Variants in CHD9 observed in about 807,000 individuals in gnomAD.
The protein encoded by CHD9 is chromodomain helicase DNA binding protein 9, also known as ATP-dependent chromatin remodeler CHD9.
In CHD9, 77 loss-of-function variants were observed where a neutral mutation model predicts 316.1. The ratio of observed to expected loss-of-function variants is 0.24; its 90% CI spans 0.20 to 0.29. The LOEUF (loss-of-function observed/expected upper bound fraction) is 0.29. Ranked by LOEUF, CHD9 falls within the 10% of genes least tolerant of loss-of-function variation. The probability of loss-of-function intolerance (pLI) is 1.00; values close to 1 mark genes in which losing one functional copy is unlikely to be tolerated. For synonymous variants in CHD9, 1,129 were observed against 1,158.3 expected (o/e 0.97, Z 0.51); for missense variants, 2,763 against 3,438.1 (o/e 0.80, Z 4.91).
At chr16:53,081,258 A>G (rs192880337) in intron 1 of CHD9, among the ~76,000 whole-genome samples, 2 of 152,138 alleles carry the variant, frequency 1.3e-5, no homozygotes, top group African/African-American at 4.8e-5. Context: ...GTGGATACAG[A>G]GTTTCTAGAT....
rs148017612 is a variant in CHD9 at position 53,103,512 on chromosome 16, T to G, written c.-165+48435T>G. Among the ~76,000 whole-genome samples the G allele has an allele frequency of 4.0e-4, 61 of 152,332 alleles. No homozygotes were observed. In the East Asian group the frequency reaches 0.012, roughly 29 times the overall value. Reference sequence around the variant, plus strand: ...TGAGTTCTCTATGTGCCCAGCACTTTATATATGCTATTTACTTTATTCTTA... The same window carrying G: ...TGAGTTCTCTATGTGCCCAGCACTTGATATATGCTATTTACTTTATTCTTA... On this transcript the variant is annotated intron_variant, in intron 1 of 38. Coordinates refer to ENST00000447540, the MANE Select transcript of CHD9 (RefSeq NM_001308319.2).
At chr16:53,183,891 A>G (rs1042346018) in intron 2 of CHD9, among the ~76,000 whole-genome samples, 2 of 152,184 alleles carry the variant, frequency 1.3e-5, no homozygotes, top group African/African-American at 4.8e-5. Context: ...AAATGTGGAT[A>G]ATATTGGTAC....
At chr16:53,155,802 A>G in intron 1 of CHD9, 124 bp from the exon 2 acceptor site, 1 of 332,706 alleles carries the variant, frequency 3.0e-6, no homozygotes, top group Non-Finnish European at 5.5e-6. Context: ...AAATCGAGTC[A>G]TATAATATGT....
chr16:53,271,122 C>A (rs1260717048), intron 22 of CHD9, among the ~76,000 whole-genome samples: 3 of 150,614 alleles, frequency 2.0e-5, no homozygotes, highest in South Asian at 4.2e-4. Context: ...AAAAAAAAAA[C>A]CCAGCCAGTT....
At chr16:53,271,230 G>T (rs969264819) in intron 22 of CHD9, among the ~76,000 whole-genome samples, 1 of 151,916 alleles carries the variant, frequency 6.6e-6, no homozygotes, top group Non-Finnish European at 1.5e-5. Flanking sequence ...AACAGCCAAG[G>T]ATTATCAGGC....
chr16:53,061,158 C>A (rs1044069670), intron 1 of CHD9, among the ~76,000 whole-genome samples: 1 of 152,104 alleles, frequency 6.6e-6, no homozygotes, highest in Non-Finnish European at 1.5e-5. Flanking sequence ...AACTCCTGAC[C>A]TCAGGTGATT....
intron 1 of CHD9, among the ~76,000 whole-genome samples, chr16:53,116,271 G>T (rs1371087976): frequency 6.6e-6 from 1 of 152,142 alleles, no homozygotes; most frequent in Admixed American, 6.6e-5. Context: ...TGCTGGCCAG[G>T]CTGGTCTCAA....
At chr16:53,213,743 T>C (rs2046515058) in intron 3 of CHD9, among the ~76,000 whole-genome samples, 1 of 152,236 alleles carries the variant, frequency 6.6e-6, no homozygotes, top group African/African-American at 2.4e-5. Context: ...GATTTATTAC[T>C]TTGACATTTA....
At chr16:53,074,109 G>A (rs903409231) in intron 1 of CHD9, among the ~76,000 whole-genome samples, 6 of 152,220 alleles carry the variant, frequency 3.9e-5, no homozygotes, top group African/African-American at 9.7e-5. Context: ...TAAGGAACTT[G>A]TTGGGAACTG....
chr16:53,223,540 A>G (rs1230792449), intron 4 of CHD9: 1 of 152,566 alleles, frequency 6.6e-6, no homozygotes, highest in East Asian at 1.9e-4. Flanking sequence ...CTAATATTAC[A>G]TGGCCTGGCT....
rs141057989 is a variant in CHD9 at position 53,287,199 on chromosome 16, C to T, written c.5190-758C>T. On this transcript the variant is annotated intron_variant, in intron 26 of 38. Coordinates refer to ENST00000447540, the MANE Select transcript of CHD9 (RefSeq NM_001308319.2). Reference sequence around the variant, plus strand: ...CATGCTGGTCTTGAACTCCTGGGCCCAAGTGATCTTCCACCTTAGCCTTGG... The same window carrying T: ...CATGCTGGTCTTGAACTCCTGGGCCTAAGTGATCTTCCACCTTAGCCTTGG... 2.1e-3 allele frequency among the ~76,000 whole-genome samples: 321 copies of T among 152,258 alleles called. 1 individual carries two copies. The highest frequency in any genetic ancestry group is 7.3e-3 in the African/African-American group (303 of 41,542).
chr16:53,096,438 G>A lies in CHD9; in HGVS notation c.-165+41361G>A, dbSNP rs533812840. Among the ~76,000 whole-genome samples the A allele has an allele frequency of 4.6e-5, 7 of 152,124 alleles. No homozygotes were observed. The South Asian group carries it at 1.0e-3, about 23-fold the overall frequency. ...TGAGTGCTTGCTTATTAAGTGCCAG[G>A]TGCTATATTAACTGACACCTTTACT... On this transcript the variant is annotated intron_variant, in intron 1 of 38. Transcript: ENST00000447540.
rs1203638269 is a variant in CHD9 at position 53,325,950 on chromosome 16, T to C, written c.*1055T>C. ...ATAGTCTAAATTCATTTTGAGTTTC[T>C]AGGTGTAAGCAGACTAAATGTTGCC... On this transcript the variant is annotated 3_prime_UTR_variant, in exon 39 of 39. Transcript: ENST00000447540. 1 of 152,574 alleles carries C rather than the reference T, an allele frequency of 6.6e-6. No homozygotes were observed. The highest frequency in any genetic ancestry group is 1.5e-5 in the Non-Finnish European group (1 of 67,966). 9.5% of individuals were successfully genotyped at this position (152,574 alleles called of 1,614,324 possible). A position where few individuals can be genotyped will look rare whatever the true frequency, so the allele number is the denominator to read the frequency against.
rs139068052 is a variant in CHD9 at position 53,296,119 on chromosome 16, A to G, written c.5511-837A>G. Reference sequence around the variant, plus strand: ...TTAGCCTCGTCCCATCTGAAATGCCACTTACTCTGTGATGCCTTTCTTGAT... The same window carrying G: ...TTAGCCTCGTCCCATCTGAAATGCCGCTTACTCTGTGATGCCTTTCTTGAT... On this transcript the variant is annotated intron_variant, in intron 29 of 38. Transcript: ENST00000447540. Among the ~76,000 whole-genome samples, 933 of 152,230 alleles carry G rather than the reference A, an allele frequency of 6.1e-3. 7 individuals are homozygous for G. The highest frequency in any genetic ancestry group is 9.1e-3 in the Non-Finnish European group (617 of 68,012).
intron 1 of CHD9, among the ~76,000 whole-genome samples, chr16:53,103,615 G>A (rs1285074981): frequency 1.3e-5 from 2 of 152,306 alleles, no homozygotes; most frequent in East Asian, 3.9e-4. Context: ...TAGAAGAATT[G>A]CCCTAAGTCC....
At chr16:53,275,941 T>A (rs1350286935) in intron 24 of CHD9, among the ~76,000 whole-genome samples, 1 of 152,146 alleles carries the variant, frequency 6.6e-6, no homozygotes, top group Non-Finnish European at 1.5e-5. Context: ...GGTCATACAG[T>A]TGATCTTGCT....
chr16:53,224,245 A>C (rs1421784978), intron 4 of CHD9, among the ~76,000 whole-genome samples: 1 of 152,224 alleles, frequency 6.6e-6, no homozygotes, highest in African/African-American at 2.4e-5. Flanking sequence ...ATGGAAAAAG[A>C]AAGCCAGAAA....
chr16:53,111,578 T>C (rs191604650), intron 1 of CHD9, among the ~76,000 whole-genome samples: 69 of 152,286 alleles, frequency 4.5e-4, no homozygotes, highest in South Asian at 1.5e-3. Flanking sequence ...CACTTACCAC[T>C]AGCTCCAACC....
chr16:53,125,696 CA>C (rs1453898276), intron 1 of CHD9, among the ~76,000 whole-genome samples: 1 of 152,214 alleles, frequency 6.6e-6, no homozygotes, highest in Non-Finnish European at 1.5e-5. Context: ...ATCACAAAGA[CA>C]AACAACCCAT....
Sources: gnomAD v4.1 joint callset for allele counts (sites outside exome capture counted in the v4.1 genomes callset) on GRCh38, gnomAD v4.1.1 for gene constraint, MANE v1.5 for transcripts, NCBI Gene and HGNC (gene_info 2026-07-23, HGNC 2026-07-21) for gene names.